The following BAZ2B variants were observed in gnomAD, a reference collection of about 807,000 sequenced individuals.
BAZ2B encodes the protein bromodomain adjacent to zinc finger domain protein 2B.
A neutral mutation model predicts 246.0 loss-of-function variants in BAZ2B; 91 were observed. The observed-to-expected ratio is 0.37, with a 90% CI of 0.31 to 0.44. The LOEUF (loss-of-function observed/expected upper bound fraction) is 0.44. Among genes scored for constraint, BAZ2B ranks in the 20% least tolerant of loss-of-function variants. The probability of loss-of-function intolerance (pLI) is 1.00; values close to 1 mark genes in which losing one functional copy is unlikely to be tolerated. For synonymous variants in BAZ2B, 855 were observed against 860.0 expected (o/e 0.99, Z 0.10); for missense variants, 2,332 against 2,533.7 (o/e 0.92, Z 1.71).
chr2:159,670,952 T>C, the BAZ2B span: 2 of 152,244 alleles, frequency 1.3e-5, no homozygotes, highest in East Asian at 3.8e-4. Context: ...TGTTATACTG[T>C]CTTCTGGCCT....
chr2:159,647,411 C>T, the BAZ2B span, among the ~76,000 whole-genome samples: 7 of 152,116 alleles, frequency 4.6e-5, no homozygotes, highest in Non-Finnish European at 1.0e-4. Flanking sequence ...GTAGGATCAA[C>T]GTTCTTGTTC....
At chr2:159,575,263 G>A (rs1294193223) in intron 1 of BAZ2B, among the ~76,000 whole-genome samples, 1 of 151,880 alleles carries the variant, frequency 6.6e-6, no homozygotes, top group African/African-American at 2.4e-5. Flanking sequence ...ATTCATACCA[G>A]GGTTACTCCA....
intron 27 of BAZ2B, among the ~76,000 whole-genome samples, chr2:159,369,743 T>A (rs560028506): frequency 6.6e-6 from 1 of 152,286 alleles, no homozygotes; most frequent in South Asian, 2.1e-4. Context: ...AAAAAGCCAC[T>A]CACCTAGGCA....
chr2:159,338,613 T>C (rs987201689), intron 31 of BAZ2B, among the ~76,000 whole-genome samples: 1 of 152,164 alleles, frequency 6.6e-6, no homozygotes, highest in Admixed American at 6.5e-5. Context: ...CACCATGGCA[T>C]TGAAGTACCT....
intron 14 of BAZ2B, among the ~76,000 whole-genome samples, chr2:159,409,513 C>T (rs150480587): frequency 9.4e-4 from 143 of 152,238 alleles, no homozygotes; most frequent in South Asian, 1.7e-3. Context: ...CATTTCACAA[C>T]GTTTGGATGT....
intron 1 of BAZ2B, among the ~76,000 whole-genome samples, chr2:159,598,283 C>T (rs1438798270): frequency 1.3e-5 from 2 of 152,120 alleles, no homozygotes; most frequent in African/African-American, 2.4e-5. Context: ...TGAGCCACTA[C>T]GCCTGGCTGA....
intron 27 of BAZ2B, among the ~76,000 whole-genome samples, chr2:159,369,939 G>A (rs960659339): frequency 2.0e-5 from 3 of 152,192 alleles, no homozygotes; most frequent in African/African-American, 7.2e-5. Flanking sequence ...AACAATGATA[G>A]ACAGGATTAA....
At chr2:159,466,966 G>A (rs1242963986) in intron 3 of BAZ2B, among the ~76,000 whole-genome samples, 1 of 152,110 alleles carries the variant, frequency 6.6e-6, no homozygotes, top group Non-Finnish European at 1.5e-5. Context: ...GAGTACCCAC[G>A]AGCCAGTCAA....
intron 2 of BAZ2B, among the ~76,000 whole-genome samples, chr2:159,524,003 A>G (rs955377104): frequency 6.6e-6 from 1 of 152,224 alleles, no homozygotes; most frequent in Non-Finnish European, 1.5e-5. Context: ...GAGGGCAGAA[A>G]TAATATGTTT....
chr2:159,611,524 T>C (rs1559902849), intron 1 of BAZ2B, among the ~76,000 whole-genome samples: 1 of 151,974 alleles, frequency 6.6e-6, no homozygotes, highest in Non-Finnish European at 1.5e-5. Context: ...AAAGGGTCCC[T>C]ATAAACTTTG....
the BAZ2B span, among the ~76,000 whole-genome samples, chr2:159,696,133 A>AT: frequency 2.0e-5 from 3 of 151,996 alleles, no homozygotes; most frequent in Non-Finnish European, 4.4e-5. Context: ...CTCATTGCCT[A>AT]TTTTTTATTT....
rs78259020 is a variant in BAZ2B, at chr2:159,374,300, A to C, written c.4068+391T>G. 5.6e-3 allele frequency among the ~76,000 whole-genome samples: 858 copies of C among 152,284 alleles called. 9 individuals are homozygous for C. The highest frequency in any genetic ancestry group is 0.02 in the African/African-American group (818 of 41,566). ...AATATACAAATGTAAAATAAAACCT[A>C]AGATGCTGAAACTGTTACTATGAAA... is the stretch of plus-strand genomic sequence containing the variant. On this transcript the variant is annotated intron_variant, in intron 26 of 36. Coordinates refer to ENST00000392783, the MANE Select transcript of BAZ2B (RefSeq NM_013450.4).
intron 3 of BAZ2B, chr2:159,459,026 C>T (rs1167244385): frequency 1.3e-5 from 2 of 152,114 alleles, no homozygotes; most frequent in Non-Finnish European, 2.9e-5. Context: ...ACCTCCAAAG[C>T]CTATATAACA....
chr2:159,661,984 G>T, the BAZ2B span, among the ~76,000 whole-genome samples: 1 of 152,100 alleles, frequency 6.6e-6, no homozygotes, highest in African/African-American at 2.4e-5. Context: ...CCATGCCCAT[G>T]AGACAGGTAT....
intron 2 of BAZ2B, among the ~76,000 whole-genome samples, chr2:159,495,789 A>G (rs1268099268): frequency 7.9e-6 from 1 of 126,492 alleles, no homozygotes; most frequent in Non-Finnish European, 1.7e-5. Context: ...TTTTTTTTTG[A>G]GACAGAGTCT....
intron 20 of BAZ2B, among the ~76,000 whole-genome samples, chr2:159,392,666 T>C (rs1220083156): frequency 6.6e-6 from 1 of 152,172 alleles, no homozygotes; most frequent in African/African-American, 2.4e-5. Context: ...CTAAGTATTG[T>C]TCTTACTTCT....
chr2:159,472,361 T>C (rs2077911813), intron 3 of BAZ2B, among the ~76,000 whole-genome samples: 1 of 152,150 alleles, frequency 6.6e-6, no homozygotes, highest in African/African-American at 2.4e-5. Flanking sequence ...TGGGCTGAGA[T>C]GATATATACA....
the BAZ2B span, among the ~76,000 whole-genome samples, chr2:159,676,384 C>T: frequency 6.6e-6 from 1 of 152,148 alleles, no homozygotes. Flanking sequence ...ATATTAGTGA[C>T]TTGGTTCTTT....
At chr2:159,340,364 T>G (rs559126835) in intron 31 of BAZ2B, among the ~76,000 whole-genome samples, 49 of 152,032 alleles carry the variant, frequency 3.2e-4, no homozygotes, top group Non-Finnish European at 6.0e-4. Flanking sequence ...GAAAAAAAAT[T>G]TAATGAAATA....
Sources: gnomAD v4.1 joint callset for allele counts (sites outside exome capture counted in the v4.1 genomes callset) on GRCh38, gnomAD v4.1.1 for gene constraint, MANE v1.5 for transcripts, NCBI Gene and HGNC (gene_info 2026-07-23, HGNC 2026-07-21) for gene names.